Variants in MACC1 observed in about 807,000 individuals in gnomAD.
The protein encoded by MACC1 is metastasis-associated in colon cancer protein 1.
A neutral mutation model predicts 70.7 loss-of-function variants in MACC1; 79 were observed. That is an observed-to-expected ratio of 1.12 (90% CI 0.93 to 1.35). MACC1 has a LOEUF of 1.35. MACC1 is among the 40% of genes most tolerant of loss of function. The pLI, the probability that MACC1 is intolerant of heterozygous loss-of-function variation, is 0.00. For synonymous variants in MACC1, 361 were observed against 347.2 expected (o/e 1.04, Z -0.44); for missense variants, 1,106 against 978.1 (o/e 1.13, Z -1.74).
intron 4 of MACC1, among the ~76,000 whole-genome samples, 157 bp downstream of exon 4, chr7:20,161,586 CTATTT>C (rs1782139499): frequency 6.6e-6 from 1 of 151,894 alleles, no homozygotes. Flanking sequence ...GTTGGCTGTG[CTATTT>C]TATTTTGCAC....
chr7:20,204,406 G>C (rs1782880155), intron 1 of MACC1, among the ~76,000 whole-genome samples: 2 of 152,114 alleles, frequency 1.3e-5, no homozygotes, highest in African/African-American at 2.4e-5. Flanking sequence ...CACCCGCCTT[G>C]GCCTCCCAAA....
chr7:20,193,272 CTAT>C (rs1782699674), intron 1 of MACC1, among the ~76,000 whole-genome samples: 1 of 152,118 alleles, frequency 6.6e-6, no homozygotes, highest in East Asian at 1.9e-4. Context: ...AAATTATAAG[CTAT>C]CAACTTAGGG....
Position 20,163,400 on chromosome 7 carries a change from C to G in MACC1, c.-9+856G>C, listed in dbSNP as rs1227034995. Among the ~76,000 whole-genome samples, 3 of 152,216 alleles carry G rather than the reference C, an allele frequency of 2.0e-5. No individual in the cohort carries two copies. In the South Asian group the frequency reaches 6.2e-4, roughly 32 times the overall value. On this transcript the variant is annotated intron_variant, in intron 3 of 6. Coordinates refer to ENST00000400331, the MANE Select transcript of MACC1 (RefSeq NM_182762.4). ...AATAGGCTTACAGCCTAGTACCCAA[C>G]AATTCCAATCCCAGTTATTTGTTTT... is the stretch of plus-strand genomic sequence containing the variant.
At chr7:20,213,211 A>C (rs987800197) in intron 1 of MACC1, among the ~76,000 whole-genome samples, 6 of 152,240 alleles carry the variant, frequency 3.9e-5, no homozygotes, top group Non-Finnish European at 8.8e-5. Context: ...AATACAAATC[A>C]AAACCACAAT....
rs1453031146 is a variant in MACC1, at chr7:20,200,960, C to T, written c.-218+16339G>A. On this transcript the variant is annotated intron_variant, in intron 1 of 6. Transcript: ENST00000400331. ...ACCTAAGCCTACCAAGGAAGTGTTC[C>T]TCTCCCTATTAAAAACTTCCAAGAT... 3.3e-5 allele frequency among the ~76,000 whole-genome samples: 5 copies of T among 152,166 alleles called. No homozygotes were observed. In the East Asian group the frequency reaches 9.6e-4, roughly 29 times the overall value.
chr7:20,206,906 G>T (rs953296122), intron 1 of MACC1, among the ~76,000 whole-genome samples: 10 of 152,170 alleles, frequency 6.6e-5, no homozygotes, highest in African/African-American at 2.2e-4. Flanking sequence ...CGGCCCCCCA[G>T]TCACTGTTGC....
Position 20,136,491 on chromosome 7 carries a change from T to G in MACC1, c.*4455A>C, listed in dbSNP as rs1781719273. On this transcript the variant is annotated 3_prime_UTR_variant, in exon 7 of 7. Coordinates refer to ENST00000400331, the MANE Select transcript of MACC1 (RefSeq NM_182762.4). The stretch of plus-strand genomic sequence containing the variant: ...AATATACATGCAAAAGATACACATT[T>G]CTACAATGTTCAGTGAAATCTTGAT... 6.6e-6 allele frequency: 1 copy of G among 152,212 alleles called. No individual in the cohort carries two copies. The allele number at this position is 152,212 out of a possible 1,614,324, so 9.4% of individuals were successfully genotyped here.
Position 20,159,300 on chromosome 7 carries a change from G to A in MACC1, c.1061C>T (p.Ala354Val). 6.2e-7 allele frequency: 1 copy of A among 1,614,078 alleles called. No individual in the cohort carries two copies. Among genetic ancestry groups the A allele is most frequent in the Non-Finnish European group, 8.5e-7 (1 of 1,180,012 alleles). ...MYLVVAAQAK[A>V]LPSPAATIWD... ...AATGGTGGCAGCTGGTGACGGAAGA[G>A]CTTTAGCTTGTGCAGCAACCACTAG... Residue 354 changes from alanine (A) to valine (V), a missense_variant, in exon 5 of 7, where the codon GCT becomes GTT. Ala to Val is a moderately conservative substitution (Grantham distance 64, BLOSUM62 0). Transcript: ENST00000400331.
At chr7:20,206,744 G>A (rs1171475595) in intron 1 of MACC1, among the ~76,000 whole-genome samples, 4 of 152,194 alleles carry the variant, frequency 2.6e-5, no homozygotes, top group African/African-American at 7.2e-5. Context: ...CCACAGGTAT[G>A]TCAAAGTTGG....
intron 1 of MACC1, among the ~76,000 whole-genome samples, chr7:20,176,263 C>A (rs557144917): frequency 1.1e-4 from 16 of 152,102 alleles, no homozygotes; most frequent in African/African-American, 3.9e-4. Flanking sequence ...TAAATATATA[C>A]AATCTTCATC....
chr7:20,182,618 T>A (rs1316890064), intron 1 of MACC1, among the ~76,000 whole-genome samples: 1 of 152,162 alleles, frequency 6.6e-6, no homozygotes, highest in East Asian at 1.9e-4. Flanking sequence ...ATATAAACCC[T>A]GGGCCTGGGA....
rs1401723843 is a variant in MACC1, at chr7:20,160,017, G to A, written c.344C>T (p.Ser115Phe). Residue 115 changes from serine (S) to phenylalanine (F), a missense_variant, in exon 5 of 7, where the codon TCC becomes TTC. Physicochemically the swap from Ser to Phe is radical, Grantham distance 155. Coordinates refer to ENST00000400331, the MANE Select transcript of MACC1 (RefSeq NM_182762.4). ...ATGCACATCAAGTTCATCACCGGAG[G>A]AATCAAAAGAATTTCCATTTTCTAT... ...REIENGNSFD[S>F]SGDELDVHQL... 6.2e-7 allele frequency: 1 copy of A among 1,611,452 alleles called. No homozygotes were observed. The highest frequency in any genetic ancestry group is 1.3e-5 in the African/African-American group (1 of 74,776).
chr7:20,161,694 G>T, intron 4 of MACC1, 54 bp downstream of exon 4: 1 of 1,053,072 alleles, frequency 9.5e-7, no homozygotes, highest in Non-Finnish European at 1.5e-6. Context: ...AATTATTGGT[G>T]ATGAATTTCA....
intron 6 of MACC1, among the ~76,000 whole-genome samples, chr7:20,152,380 A>G (rs1288009760): frequency 6.6e-6 from 1 of 152,192 alleles, no homozygotes; most frequent in Non-Finnish European, 1.5e-5. Flanking sequence ...TAAATTGATC[A>G]TATTTAGGAA....
Position 20,158,409 on chromosome 7 carries a change from G to A in MACC1, c.1952C>T (p.Ser651Leu), listed in dbSNP as rs757502285. 1.2e-6 allele frequency: 2 copies of A among 1,613,694 alleles called. No individual in the cohort carries two copies. The highest frequency in any genetic ancestry group is 2.7e-5 in the African/African-American group (2 of 74,904). Residue 651 changes from serine to leucine, a missense_variant, in exon 5 of 7, where the codon TCA becomes TTA. By Grantham distance (145) the Ser-to-Leu change is moderately radical. Coordinates refer to ENST00000400331, the MANE Select transcript of MACC1 (RefSeq NM_182762.4). ...LPLKKLTYIYSVVLTLVSEKV... is the reference protein window; with the variant it reads ...LPLKKLTYIYLVVLTLVSEKV... ...TTCTGACACCAAGGTTAATACAACT[G>A]AGTAGATATAAGTCAATTTTTTTAA...
Position 20,135,529 on chromosome 7 carries a change from G to A in MACC1, c.*5417C>T, listed in dbSNP as rs1156943576. ...AGTGGTTCTCAAACTGGGGTCCCTG[G>A]ACCAGAAACATCTGCATCACCTGGG... On this transcript the variant is annotated 3_prime_UTR_variant, in exon 7 of 7. Transcript: ENST00000400331. 1.3e-5 allele frequency: 2 copies of A among 152,146 alleles called. No individual in the cohort carries two copies. The highest frequency in any genetic ancestry group is 2.9e-5 in the Non-Finnish European group (2 of 68,038). The allele number at this position is 152,146 out of a possible 1,614,324, so 9.4% of individuals were successfully genotyped here.
chr7:20,212,100 T>C (rs1329514086), intron 1 of MACC1, among the ~76,000 whole-genome samples: 1 of 152,162 alleles, frequency 6.6e-6, no homozygotes, highest in African/African-American at 2.4e-5. Flanking sequence ...TCGACAAAGA[T>C]AGGATAGTGG....
intron 1 of MACC1, among the ~76,000 whole-genome samples, chr7:20,207,637 TA>T (rs1782932229): frequency 6.6e-6 from 1 of 152,198 alleles, no homozygotes; most frequent in African/African-American, 2.4e-5. Flanking sequence ...TAACAAATAT[TA>T]GGGGAAAAAA....
intron 5 of MACC1, among the ~76,000 whole-genome samples, chr7:20,156,637 G>T (rs1782058598): frequency 6.6e-6 from 1 of 152,074 alleles, no homozygotes; most frequent in Admixed American, 6.5e-5. Flanking sequence ...AATGTCCCAG[G>T]GTAGGTAAGA....
Sources: allele counts gnomAD v4.1 joint callset (sites outside exome capture counted in the v4.1 genomes callset), GRCh38; gene constraint gnomAD v4.1.1; transcripts MANE v1.5; gene names NCBI Gene and HGNC (gene_info 2026-07-23, HGNC 2026-07-21).